Variants in COG5 observed in about 807,000 individuals in gnomAD.
COG5 encodes conserved oligomeric Golgi complex subunit 5.
Under a neutral mutation model 110.4 loss-of-function variants are expected in COG5, and 86 were observed. That is an observed-to-expected ratio of 0.78 (90% confidence interval 0.65 to 0.93). COG5 has a LOEUF of 0.93. Ranked by LOEUF, COG5 falls within the 40% of genes least tolerant of loss-of-function variation. The pLI is 0.00. For missense variants in COG5, 1,077 were observed against 987.0 expected (o/e 1.09, Z -1.22); for synonymous variants, 360 against 334.6 (o/e 1.08, Z -0.83).
chr7:107,323,778 T>C (rs961297073), intron 11 of COG5, among the ~76,000 whole-genome samples: 3 of 152,186 alleles, frequency 2.0e-5, no homozygotes, highest in Admixed American at 2.0e-4. Context: ...TAGTAAATGC[T>C]TGTGAATAAA....
intron 10 of COG5, among the ~76,000 whole-genome samples, chr7:107,342,454 G>C (rs902373120): frequency 2.0e-5 from 3 of 151,808 alleles, no homozygotes; most frequent in Admixed American, 6.6e-5. Flanking sequence ...GAGGCAGGCG[G>C]ATCACCTGAG....
intron 18 of COG5, 79 bp from the exon 19 acceptor site, chr7:107,230,770 GTTGTAGCTTGCAGTAAACTTAA>G: frequency 8.9e-7 from 1 of 1,121,038 alleles, no homozygotes. Context: ...ATCACAGAAA[GTTGTAGCTTGCAGTAAACTTAA>G]TTTTATCTGG....
Position 107,362,078 on chromosome 7 carries a change from C to T in COG5, c.981G>A (p.Lys327=), listed in dbSNP as rs770732168. The T allele has an allele frequency of 6.2e-7, 1 of 1,609,480 alleles. No individual in the cohort carries two copies. Among genetic ancestry groups the T allele is most frequent in the South Asian group, 1.1e-5 (1 of 90,550 alleles). ...AACAAATGTGAGAAACAGGATCTCT[C>T]TTCTTGGCCAATACTTTTTGTAGAT... ...VQHLQKVLAK[K]RDPVSHICFI... The change falls in exon 10 of 22, where the codon AAG becomes AAA. Residue 327 remains lysine (K), a synonymous_variant. Coordinates refer to ENST00000297135, the MANE Select transcript of COG5 (RefSeq NM_006348.5).
chr7:107,317,401 C>G (rs1053568896), intron 11 of COG5, among the ~76,000 whole-genome samples: 2 of 152,076 alleles, frequency 1.3e-5, no homozygotes, highest in African/African-American at 4.8e-5. Context: ...AAGCACTGAT[C>G]AGCATTAAAC....
At position 107,294,860 on chromosome 7, in the gene COG5, C is replaced by T. The variant is rs561731642; in HGVS notation, c.1313+3282G>A. 8.1e-5 allele frequency among the ~76,000 whole-genome samples: 10 copies of T among 123,330 alleles called. 3 individuals are homozygous for T. Among genetic ancestry groups the T allele is most frequent in the African/African-American group, 3.0e-4 (10 of 33,374 alleles). The allele number at this position is 123,330 out of a possible 152,430, so 80.9% of individuals were successfully genotyped here. Reference sequence around the variant, plus strand: ...CCTTCTGAGTAGCTGGGATTATAGGCATGTGCCACCATGCCTGGATTTGTG... The same window carrying T: ...CCTTCTGAGTAGCTGGGATTATAGGTATGTGCCACCATGCCTGGATTTGTG... On this transcript the variant is annotated intron_variant, in intron 12 of 21. Coordinates refer to ENST00000297135, the MANE Select transcript of COG5 (RefSeq NM_006348.5).
chr7:107,420,792 T>C (rs554070754), intron 6 of COG5, among the ~76,000 whole-genome samples: 2 of 152,342 alleles, frequency 1.3e-5, no homozygotes, highest in East Asian at 3.9e-4. Context: ...TAGTTCTTAA[T>C]TGATACCATC....
intron 7 of COG5, among the ~76,000 whole-genome samples, chr7:107,391,136 G>C (rs748718928): frequency 6.6e-6 from 1 of 151,926 alleles, no homozygotes; most frequent in Non-Finnish European, 1.5e-5. Context: ...TTACCTTCCC[G>C]TGATGTTTAC....
intron 17 of COG5, among the ~76,000 whole-genome samples, chr7:107,244,996 G>A (rs957319777): frequency 2.5e-4 from 38 of 151,892 alleles, no homozygotes; most frequent in African/African-American, 6.0e-4. Flanking sequence ...GAGACACAGC[G>A]AAAAAAGAAA....
At chr7:107,418,091 A>G (rs895727181) in intron 6 of COG5, among the ~76,000 whole-genome samples, 8 of 152,296 alleles carry the variant, frequency 5.3e-5, no homozygotes, top group African/African-American at 1.7e-4. Flanking sequence ...ACAAAAGCAA[A>G]TATCAAAATA....
At chr7:107,556,120 T>G (rs1803298711) in intron 2 of COG5, among the ~76,000 whole-genome samples, 1 of 151,998 alleles carries the variant, frequency 6.6e-6, no homozygotes. Flanking sequence ...CATTGATCAC[T>G]CCAGGATTTA....
chr7:107,476,852 A>G (rs966586852), intron 6 of COG5, among the ~76,000 whole-genome samples: 3 of 151,706 alleles, frequency 2.0e-5, no homozygotes, highest in African/African-American at 7.2e-5. Context: ...AATAAATGAG[A>G]TTTATCCAGT....
intron 6 of COG5, among the ~76,000 whole-genome samples, chr7:107,510,761 C>A (rs1246200538): frequency 6.6e-6 from 1 of 152,222 alleles, no homozygotes; most frequent in Admixed American, 6.5e-5. Context: ...CGCTCCACTA[C>A]ATGGAAACTG....
chr7:107,493,513 G>A (rs546287337), intron 6 of COG5, among the ~76,000 whole-genome samples: 171 of 152,224 alleles, frequency 1.1e-3, no homozygotes, highest in Non-Finnish European at 1.4e-3. Context: ...ACTTAAGGCT[G>A]AATAAATTAA....
At chr7:107,435,382 G>T (rs1794302987) in intron 6 of COG5, among the ~76,000 whole-genome samples, 1 of 152,130 alleles carries the variant, frequency 6.6e-6, no homozygotes, top group African/African-American at 2.4e-5. Context: ...GCCAGGCGCG[G>T]TGGCTCACAC....
chr7:107,541,046 G>A (rs1425425778), intron 5 of COG5, among the ~76,000 whole-genome samples: 1 of 151,864 alleles, frequency 6.6e-6, no homozygotes, highest in Non-Finnish European at 1.5e-5. Flanking sequence ...AGCTACTCAG[G>A]AGGTTTAGGC....
rs561136088 is a variant in COG5, at chr7:107,288,991, T to A, written c.1314-5259A>T. ...AAAAATTTATCTATATTTTTAATTTTTACATTGATTGATTGATTGAGATGG... is the reference window on the plus strand; with the variant it reads ...AAAAATTTATCTATATTTTTAATTTATACATTGATTGATTGATTGAGATGG... On this transcript the variant is annotated intron_variant, in intron 12 of 21. Transcript: ENST00000297135. 1.3e-3 allele frequency among the ~76,000 whole-genome samples: 190 copies of A among 142,718 alleles called. 1 individual carries two copies. Among genetic ancestry groups the A allele is most frequent in the Non-Finnish European group, 2.2e-3 (146 of 65,736 alleles). The allele number at this position is 142,718 out of a possible 152,430, so 93.6% of individuals were successfully genotyped here.
At chr7:107,562,569 A>G (rs551889868) in intron 1 of COG5, among the ~76,000 whole-genome samples, 12 of 152,350 alleles carry the variant, frequency 7.9e-5, no homozygotes, top group African/African-American at 2.6e-4. Flanking sequence ...CTTGAGGGCA[A>G]AAATTGCACG....
intron 21 of COG5, chr7:107,209,105 C>A (rs1438094687): frequency 4.1e-6 from 4 of 985,382 alleles, no homozygotes; most frequent in Non-Finnish European, 4.8e-6. Flanking sequence ...ATGTCAGCCC[C>A]ACTCTGGCTT....
intron 17 of COG5, among the ~76,000 whole-genome samples, chr7:107,238,120 C>A (rs1699121540): frequency 6.6e-6 from 1 of 152,102 alleles, no homozygotes. Context: ...CTCCTAACTG[C>A]AACTTTGTAC....
Sources: allele counts gnomAD v4.1 joint callset (sites outside exome capture counted in the v4.1 genomes callset), GRCh38; gene constraint gnomAD v4.1.1; transcripts MANE v1.5; gene names NCBI Gene and HGNC (gene_info 2026-07-23, HGNC 2026-07-21).